CPEB3: variants seen among roughly 807,000 people sequenced by gnomAD.
The protein encoded by CPEB3 is cytoplasmic polyadenylation element-binding protein 3.
In CPEB3, 20 loss-of-function variants were observed where a neutral mutation model predicts 67.2. The ratio of observed to expected loss-of-function variants is 0.30; its 90% CI spans 0.21 to 0.43. The LOEUF is 0.43. CPEB3 is among the 20% of genes least tolerant of loss of function. CPEB3 has a pLI of 1.00. For missense variants in CPEB3, 746 were observed against 968.6 expected (o/e 0.77, Z 3.05); for synonymous variants, 376 against 393.1 (o/e 0.96, Z 0.51).
intron 6 of CPEB3, among the ~76,000 whole-genome samples, chr10:92,130,929 C>T (rs1032483144): frequency 6.6e-6 from 1 of 152,028 alleles, no homozygotes; most frequent in African/African-American, 2.4e-5. Flanking sequence ...GTGAGGTGAC[C>T]TAAGAAAAAT....
At chr10:92,139,635 G>T (rs1479172000) in intron 6 of CPEB3, among the ~76,000 whole-genome samples, 1 of 152,068 alleles carries the variant, frequency 6.6e-6, no homozygotes. Flanking sequence ...GTACAACAGG[G>T]TGACTACAAT....
intron 2 of CPEB3, among the ~76,000 whole-genome samples, chr10:92,196,966 T>A (rs777760570): frequency 2.0e-5 from 3 of 151,906 alleles, no homozygotes; most frequent in Non-Finnish European, 4.4e-5. Flanking sequence ...AATTCTCTCT[T>A]CATGGTTTCT....
chr10:92,247,743 C>G (rs1347963890), intron 1 of CPEB3, among the ~76,000 whole-genome samples: 1 of 152,072 alleles, frequency 6.6e-6, no homozygotes, highest in Non-Finnish European at 1.5e-5. Context: ...GAACTCTTGA[C>G]CTCAAGAGAT....
In CPEB3 at chr10:92,280,753, CT is replaced by C. The variant is rs948586177; in HGVS notation, c.-12+10172del. The stretch of plus-strand genomic sequence containing the variant: ...GGCTAATAGACGGTGAGCATCTATT[CT>C]TTTTTTTTTTTTTTTTTTTTTGGAG... On this transcript the variant is annotated intron_variant, in intron 1 of 9. Transcript: ENST00000265997. Among the ~76,000 whole-genome samples the C allele has an allele frequency of 9.3e-3, 851 of 91,670 alleles. 1 individual carries two copies. Among genetic ancestry groups the C allele is most frequent in the African/African-American group, 0.038 (757 of 20,002 alleles). The allele number at this position is 91,670 out of a possible 152,430, so 60.1% of individuals were successfully genotyped here.
chr10:92,239,428 C>T lies in CPEB3; in HGVS notation c.923G>A (p.Arg308His). The T allele has an allele frequency of 6.2e-7, 1 of 1,602,918 alleles. No individual in the cohort carries two copies. Among genetic ancestry groups the T allele is most frequent in the Non-Finnish European group, 8.5e-7 (1 of 1,174,580 alleles). The change falls in exon 2 of 10, where the codon CGC (arginine) becomes CAC (histidine). Residue 308 changes from arginine to histidine, a missense_variant. By Grantham distance (29) the Arg-to-His change is conservative. Coordinates refer to ENST00000265997, the MANE Select transcript of CPEB3 (RefSeq NM_014912.5). The surrounding 1 kb of genome is among the most constrained non-coding windows in gnomAD (Gnocchi z 6.0). ...GGACTTGGAAGTGAGAGGGGCCGCG[C>T]GAGGGAACTTGGGCGGCGCGATCAC... ...SNVIAPPKFP[R>H]AAPLTSKSWM...
intron 2 of CPEB3, among the ~76,000 whole-genome samples, chr10:92,217,021 G>C (rs997711662): frequency 1.4e-5 from 2 of 145,248 alleles, no homozygotes; most frequent in African/African-American, 5.1e-5. Flanking sequence ...GTAGGGTGGA[G>C]AAAGTAAATG....
In CPEB3 at chr10:92,232,835, A is replaced by G. The variant is rs572413964; in HGVS notation, c.1005+6511T>C. Among the ~76,000 whole-genome samples, 6 of 152,228 alleles carry G rather than the reference A, an allele frequency of 3.9e-5. No homozygotes were observed. The South Asian group carries it at 1.2e-3, about 32-fold the overall frequency. The stretch of plus-strand genomic sequence containing the variant: ...AAGTAGAAATTTGTTTCTTTGTCAG[A>G]GGATATCTAAATTACATTTCTAAGA... On this transcript the variant is annotated intron_variant, in intron 2 of 9. Transcript: ENST00000265997.
intron 8 of CPEB3, 67 bp downstream of exon 8, chr10:92,091,763 A>G (rs1843629158): frequency 1.1e-6 from 1 of 930,650 alleles, no homozygotes; most frequent in South Asian, 1.5e-5. Context: ...AAAATATTTA[A>G]GACTAAAGGC....
chr10:92,076,795 A>AGGAGAAAGAGGAGGAGGAGG (rs1195376294), intron 9 of CPEB3, among the ~76,000 whole-genome samples: 9 of 151,784 alleles, frequency 5.9e-5, no homozygotes, highest in Non-Finnish European at 1.2e-4. Context: ...AAGAAAAAGA[A>AGGAGAAAGAGGAGGAGGAGG]GGAGAAAGAG....
chr10:92,289,785 G>GTATTATA (rs1452690949), intron 1 of CPEB3, among the ~76,000 whole-genome samples: 1 of 115,646 alleles, frequency 8.6e-6, no homozygotes, highest in Non-Finnish European at 1.7e-5. Flanking sequence ...ATGTATATAT[G>GTATTATA]TATTATATAT....
chr10:92,062,710 T>A (rs892708727), intron 9 of CPEB3, among the ~76,000 whole-genome samples: 1 of 152,224 alleles, frequency 6.6e-6, no homozygotes, highest in South Asian at 2.1e-4. Context: ...AACAAATATA[T>A]AACAAAATAA....
At chr10:92,222,670 T>A (rs888114503) in intron 2 of CPEB3, among the ~76,000 whole-genome samples, 2 of 152,160 alleles carry the variant, frequency 1.3e-5, no homozygotes, top group African/African-American at 4.8e-5. Context: ...CATTTTTAAG[T>A]TATGGACCCC....
At chr10:92,237,114 C>T (rs1851576974) in intron 2 of CPEB3, among the ~76,000 whole-genome samples, 1 of 152,126 alleles carries the variant, frequency 6.6e-6, no homozygotes, top group South Asian at 2.1e-4. Context: ...AAATTCTGCA[C>T]ACAAGACTCA....
intron 1 of CPEB3, among the ~76,000 whole-genome samples, chr10:92,257,386 G>A (rs1441044339): frequency 2.0e-5 from 3 of 151,930 alleles, no homozygotes; most frequent in East Asian, 1.9e-4. Flanking sequence ...CCTCAACCTC[G>A]CAGGCTCAAG....
rs1399099923 is a variant in CPEB3, at chr10:92,047,718, C to A, written c.*4494G>T. 2 of 152,212 alleles carry A rather than the reference C, an allele frequency of 1.3e-5. No individual in the cohort carries two copies. The highest frequency in any genetic ancestry group is 6.5e-5 in the Admixed American group (1 of 15,280). 9.4% of individuals were successfully genotyped at this position (152,212 alleles called of 1,614,324 possible). A position where few individuals can be genotyped will look rare whatever the true frequency, so the allele number is the denominator to read the frequency against. On this transcript the variant is annotated 3_prime_UTR_variant, in exon 10 of 10. Coordinates refer to ENST00000265997, the MANE Select transcript of CPEB3 (RefSeq NM_014912.5). ...TTAAAATTTTACATCACAACTTGAT[C>A]TAATCTATATATTATTTACAAAACT...
At chr10:92,229,843 G>A (rs548045806) in intron 2 of CPEB3, among the ~76,000 whole-genome samples, 9 of 152,254 alleles carry the variant, frequency 5.9e-5, no homozygotes, top group South Asian at 4.1e-4. Flanking sequence ...TCGAGAGGTC[G>A]GGACCAGCCT....
chr10:92,092,407 T>C (rs748872720), intron 7 of CPEB3, among the ~76,000 whole-genome samples: 2 of 152,174 alleles, frequency 1.3e-5, no homozygotes, highest in Non-Finnish European at 2.9e-5. Flanking sequence ...TTCAAACATA[T>C]CTTTCAGCAA....
rs141388163 is a variant in CPEB3, at chr10:92,099,309, G to A, written c.1573-7365C>T. Among the ~76,000 whole-genome samples the A allele has an allele frequency of 3.3e-4, 50 of 149,824 alleles. 1 individual carries two copies. The East Asian group carries it at 8.4e-3, about 25-fold the overall frequency. On this transcript the variant is annotated intron_variant, in intron 7 of 9. Coordinates refer to ENST00000265997, the MANE Select transcript of CPEB3 (RefSeq NM_014912.5). Reference sequence around the variant, plus strand: ...ATGGAGTACAGGCATGCGCCACCATGCCCAGTTAATTTTTGTATTTTTTGT... The same window carrying A: ...ATGGAGTACAGGCATGCGCCACCATACCCAGTTAATTTTTGTATTTTTTGT...
intron 1 of CPEB3, among the ~76,000 whole-genome samples, chr10:92,287,649 C>G (rs1842593654): frequency 6.6e-6 from 1 of 152,100 alleles, no homozygotes; most frequent in Non-Finnish European, 1.5e-5. Context: ...GAGCTAATTA[C>G]TCTTTTAAAA....
Sources: allele counts gnomAD v4.1 joint callset (sites outside exome capture counted in the v4.1 genomes callset), GRCh38; gene constraint gnomAD v4.1.1; non-coding constraint Gnocchi (gnomAD v3.1); transcripts MANE v1.5; gene names NCBI Gene and HGNC (gene_info 2026-07-23, HGNC 2026-07-21).